Variants in PCDH15 observed in about 807,000 individuals in gnomAD.
PCDH15 encodes protocadherin related 15, also known as protocadherin-15.
Under a neutral mutation model 178.5 loss-of-function variants are expected in PCDH15, and 129 were observed. The ratio of observed to expected loss-of-function variants is 0.72; its 90% confidence interval spans 0.63 to 0.84. The LOEUF (loss-of-function observed/expected upper bound fraction) is 0.84, where lower values mean the gene tolerates loss of function less well. PCDH15 is among the 40% of genes least tolerant of loss of function. PCDH15 has a pLI of 0.00. For missense variants in PCDH15, 2,230 were observed against 2,099.9 expected (o/e 1.06, Z -1.21); for synonymous variants, 800 against 732.0 (o/e 1.09, Z -1.50).
intron 13 of PCDH15, among the ~76,000 whole-genome samples, chr10:54,172,917 T>C (rs1030384552): frequency 2.6e-5 from 4 of 152,196 alleles, no homozygotes; most frequent in African/African-American, 7.2e-5. Context: ...TAAATAATTG[T>C]GTTTACAAAT....
chr10:54,457,804 T>A (rs935202470), intron 3 of PCDH15, among the ~76,000 whole-genome samples: 3 of 152,104 alleles, frequency 2.0e-5, no homozygotes, highest in Non-Finnish European at 4.4e-5. Flanking sequence ...AAAAATATAA[T>A]CCAAAAGTTC....
intron 3 of PCDH15, among the ~76,000 whole-genome samples, chr10:54,503,539 A>G (rs2080908468): frequency 2.0e-5 from 3 of 151,532 alleles, no homozygotes; most frequent in Non-Finnish European, 2.9e-5. Flanking sequence ...CTTGAAAGCT[A>G]CTGCTTAGAA....
chr10:55,381,827 C>T (rs1386159093), intron 2 of PCDH15, among the ~76,000 whole-genome samples: 3 of 152,164 alleles, frequency 2.0e-5, no homozygotes, highest in Admixed American at 6.6e-5. Context: ...CGGCCACTCA[C>T]CACCAGCTGT....
At chr10:54,346,019 A>T (rs1022784916) in intron 6 of PCDH15, among the ~76,000 whole-genome samples, 1 of 152,088 alleles carries the variant, frequency 6.6e-6, no homozygotes, top group Admixed American at 6.6e-5. Flanking sequence ...CAATATTGGT[A>T]TTAATTTATG....
intron 34 of PCDH15, among the ~76,000 whole-genome samples, 175 bp downstream of exon 34, chr10:53,817,820 C>G (rs1289754343): frequency 6.6e-6 from 1 of 151,938 alleles, no homozygotes; most frequent in East Asian, 1.9e-4. Context: ...AGATTTAAAA[C>G]CTTAAAACAG....
chr10:55,530,971 C>T (rs1316130984), intron 2 of PCDH15, among the ~76,000 whole-genome samples: 1 of 151,672 alleles, frequency 6.6e-6, no homozygotes, highest in Non-Finnish European at 1.5e-5. Context: ...GAAGTATTTG[C>T]AGCATCACAA....
Position 54,023,157 on chromosome 10 carries a change from T to C in PCDH15, c.2261A>G (p.Tyr754Cys). Residue 754 changes from tyrosine (Y) to cysteine (C), a missense_variant, in exon 19 of 38, where the codon TAC (tyrosine) becomes TGC (cysteine). Tyr to Cys is a radical substitution (Grantham distance 194). Coordinates refer to ENST00000644397, the MANE Select transcript of PCDH15 (RefSeq NM_001384140.1). The stretch of plus-strand genomic sequence containing the variant: ...AAGATTATTAAAGTTACCCAAACTG[T>C]AGTGCACTTGACCATTTATTCCAGC... ...PDAGINGQVH[Y>C]SLGNFNNLFR... 6.2e-6 allele frequency: 10 copies of C among 1,613,830 alleles called. No homozygotes were observed. Among genetic ancestry groups the C allele is most frequent in the African/African-American group, 2.7e-5 (2 of 75,054 alleles).
chr10:54,525,090 CAT>C (rs2083247900), intron 3 of PCDH15, among the ~76,000 whole-genome samples: 5 of 152,124 alleles, frequency 3.3e-5, no homozygotes, highest in African/African-American at 7.2e-5. Context: ...GAGATAGAGA[CAT>C]GTGTATAAAT....
intron 1 of PCDH15, among the ~76,000 whole-genome samples, chr10:55,219,065 T>C (rs1840793629): frequency 6.6e-6 from 1 of 152,044 alleles, no homozygotes. Context: ...ATAATCTCTA[T>C]GCTTACTGCT....
intron 1 of PCDH15, among the ~76,000 whole-genome samples, chr10:54,777,469 C>A (rs1949833680): frequency 1.3e-5 from 2 of 152,156 alleles, no homozygotes; most frequent in African/African-American, 4.8e-5. Context: ...AAGAGGATTA[C>A]CTCATCTGGG....
At chr10:55,271,175 T>G (rs1842435093) in intron 1 of PCDH15, among the ~76,000 whole-genome samples, 1 of 152,048 alleles carries the variant, frequency 6.6e-6, no homozygotes, top group African/African-American at 2.4e-5. Flanking sequence ...AAAAACTTCC[T>G]GTTGGTTACT....
At chr10:55,513,159 C>T (rs1565211258) in intron 2 of PCDH15, 1 of 152,110 alleles carries the variant, frequency 6.6e-6, no homozygotes, top group Admixed American at 6.6e-5. Context: ...GAGGATCCAA[C>T]AGTCCACATT....
chr10:53,833,617 C>T lies in PCDH15; in HGVS notation c.3984-2084G>A, dbSNP rs186404585. 1.6e-3 allele frequency among the ~76,000 whole-genome samples: 234 copies of T among 150,336 alleles called. 2 individuals carry two copies. Among genetic ancestry groups the T allele is most frequent in the African/African-American group, 5.7e-3 (231 of 40,794 alleles). ...TATTTCTGTTTCAGTGATTTTTAAA[C>T]ATATTCAGATACTATTCAAAGAAAC... On this transcript the variant is annotated intron_variant, in intron 29 of 37. Coordinates refer to ENST00000644397, the MANE Select transcript of PCDH15 (RefSeq NM_001384140.1).
At position 54,954,020 on chromosome 10, in the gene PCDH15, G is replaced by A. The variant is rs79868564; in HGVS notation, c.-79-56520C>T. 7.6e-3 allele frequency among the ~76,000 whole-genome samples: 1,143 copies of A among 151,146 alleles called. 16 individuals carry two copies. The highest frequency in any genetic ancestry group is 0.026 in the African/African-American group (1,090 of 41,394). On this transcript the variant is annotated intron_variant, in intron 2 of 5. Transcript: ENST00000458638. ...TGCTCAGTACAGACTTTTAGGGAGG[G>A]AAGCCAAATATTTAAGAATCAATGG...
At chr10:54,900,397 T>G (rs1954619887) in intron 2 of PCDH15, among the ~76,000 whole-genome samples, 2 of 152,156 alleles carry the variant, frequency 1.3e-5, no homozygotes, top group Non-Finnish European at 2.9e-5. Flanking sequence ...TGAAGGAGAT[T>G]TGAGCAAAGT....
At chr10:53,889,033 A>G (rs2081374639) in intron 26 of PCDH15, among the ~76,000 whole-genome samples, 1 of 151,670 alleles carries the variant, frequency 6.6e-6, no homozygotes, top group African/African-American at 2.4e-5. Flanking sequence ...AAATAAAAAA[A>G]AAAAAATCTT....
At chr10:54,966,693 A>C (rs2131889677) in intron 2 of PCDH15, among the ~76,000 whole-genome samples, 1 of 152,188 alleles carries the variant, frequency 6.6e-6, no homozygotes, top group South Asian at 2.1e-4. Flanking sequence ...GTAGTGAATA[A>C]GTCTCATGAG....
At chr10:54,039,009 G>A (rs779436549) in intron 18 of PCDH15, among the ~76,000 whole-genome samples, 14 of 151,810 alleles carry the variant, frequency 9.2e-5, no homozygotes, top group Non-Finnish European at 1.8e-4. Flanking sequence ...ATATTTTCCT[G>A]TTGAATTTGT....
At chr10:55,120,683 C>G (rs527647014) in intron 2 of PCDH15, among the ~76,000 whole-genome samples, 1 of 152,124 alleles carries the variant, frequency 6.6e-6, no homozygotes, top group African/African-American at 2.4e-5. Context: ...AAATAATAAT[C>G]TCATGTCCCT....
Sources: gnomAD v4.1 joint callset for allele counts (sites outside exome capture counted in the v4.1 genomes callset) on GRCh38, gnomAD v4.1.1 for gene constraint, MANE v1.5 for transcripts, NCBI Gene and HGNC (gene_info 2026-07-23, HGNC 2026-07-21) for gene names.